SYNE2: variants seen among roughly 807,000 people sequenced by gnomAD.
SYNE2 encodes spectrin repeat containing nuclear envelope protein 2, also known as nesprin-2.
SYNE2 carries 431 observed loss-of-function variants against 856.3 expected under a neutral mutation model. The ratio of observed to expected loss-of-function variants is 0.50; its 90% CI spans 0.47 to 0.55. SYNE2 has a LOEUF of 0.55. Ranked by LOEUF, SYNE2 falls within the 20% of genes least tolerant of loss-of-function variation. SYNE2 has a pLI of 0.00. For missense variants in SYNE2, 8,129 were observed against 8,023.2 expected (o/e 1.01, Z -0.50); for synonymous variants, 2,923 against 2,872.3 (o/e 1.02, Z -0.56).
At position 63,963,036 on chromosome 14, in the gene SYNE2, A is replaced by T. The variant is rs1324153281; in HGVS notation, c.889-863A>T. 2.0e-5 allele frequency among the ~76,000 whole-genome samples: 3 copies of T among 152,198 alleles called. 1 individual carries two copies. ...ATTACTTAAAAATGTATTTTAAACC[A>T]CATGTTTGCATGCATTTTCAGACAT... On this transcript the variant is annotated intron_variant, in intron 9 of 115. Coordinates refer to ENST00000555002, the MANE Select transcript of SYNE2 (RefSeq NM_182914.3).
At chr14:64,155,700 G>A (rs2098280404) in intron 85 of SYNE2, among the ~76,000 whole-genome samples, 1 of 152,206 alleles carries the variant, frequency 6.6e-6, no homozygotes, top group African/African-American at 2.4e-5. Flanking sequence ...GCTGAGGTAG[G>A]AGGATCGCTT....
upstream of SYNE2, chr14:63,848,247 T>C (rs560676532): frequency 9.8e-5 from 15 of 152,294 alleles, no homozygotes; most frequent in African/African-American, 2.9e-4. Flanking sequence ...TCTATGTTAT[T>C]ATTTATTTAT....
intron 95 of SYNE2, among the ~76,000 whole-genome samples, chr14:64,176,664 A>G (rs2098436642): frequency 6.6e-6 from 1 of 152,302 alleles, no homozygotes; most frequent in South Asian, 2.1e-4. Flanking sequence ...AAAGACTGTC[A>G]ATGCTAACAG....
At chr14:63,955,424 G>A (rs534124734) in intron 8 of SYNE2, among the ~76,000 whole-genome samples, 1 of 152,196 alleles carries the variant, frequency 6.6e-6, no homozygotes, top group South Asian at 2.1e-4. Flanking sequence ...TAGTTTTAGA[G>A]ATCATCATCA....
chr14:64,215,697 G>GT (rs911317983), intron 107 of SYNE2: 2 of 418,778 alleles, frequency 4.8e-6, no homozygotes, highest in Non-Finnish European at 8.6e-6. Flanking sequence ...GTTTGGAACT[G>GT]TTTCCTTGCT....
chr14:64,110,593 C>A (rs2097798050), intron 65 of SYNE2, among the ~76,000 whole-genome samples: 3 of 138,554 alleles, frequency 2.2e-5, no homozygotes, highest in South Asian at 2.5e-4. Context: ...TTTACACCCC[C>A]CCCCCCCCGC....
chr14:63,784,953 T>TGGG (rs58032140), intron 1 of SYNE2, among the ~76,000 whole-genome samples: 2 of 151,692 alleles, frequency 1.3e-5, no homozygotes, highest in Non-Finnish European at 2.9e-5. Context: ...GTTATTTTTT[T>TGGG]GGGGGGGTGA....
chr14:63,990,681 T>C, intron 20 of SYNE2, 112 bp downstream of exon 20: 1 of 991,804 alleles, frequency 1.0e-6, no homozygotes, highest in Non-Finnish European at 1.6e-6. Flanking sequence ...TTTTGTAAAA[T>C]ATTACTTTTG....
chr14:64,141,323 T>C lies in SYNE2; in HGVS notation c.14977-18T>C. The C allele has an allele frequency of 6.2e-7, 1 of 1,606,056 alleles. No individual in the cohort carries two copies. The highest frequency in any genetic ancestry group is 8.5e-7 in the Non-Finnish European group (1 of 1,175,746). On this transcript the variant is annotated intron_variant, in intron 80 of 115. Coordinates refer to ENST00000555002, the MANE Select transcript of SYNE2 (RefSeq NM_182914.3). ...ATATTTAAATTTTAAGTTTCTAAAT[T>C]TTAAAACTCTCCTTTAGGAGTTTTC... is the stretch of plus-strand genomic sequence containing the variant.
Position 64,078,965 on chromosome 14 carries a change from G to A in SYNE2, c.11163+359G>A, listed in dbSNP as rs1427799066. 2.0e-5 allele frequency among the ~76,000 whole-genome samples: 3 copies of A among 152,098 alleles called. No individual in the cohort carries two copies. The East Asian group carries it at 5.8e-4, about 29-fold the overall frequency. ...CACAAGACTGCAATTCTAGCTACTC[G>A]GGAGGCTGAGGCACGAAAATCACTT... On this transcript the variant is annotated intron_variant, in intron 55 of 115. Coordinates refer to ENST00000555002, the MANE Select transcript of SYNE2 (RefSeq NM_182914.3).
intron 92 of SYNE2, 147 bp downstream of exon 92, chr14:64,167,786 C>A: frequency 1.8e-6 from 2 of 1,090,180 alleles, no homozygotes; most frequent in South Asian, 2.8e-5. Context: ...GTCAATTGGT[C>A]ATTTGTAAAA....
intron 45 of SYNE2, among the ~76,000 whole-genome samples, chr14:64,040,528 C>T (rs1403954211): frequency 2.0e-5 from 3 of 150,298 alleles, no homozygotes; most frequent in South Asian, 4.2e-4. Context: ...GAATATATGA[C>T]TGAGAAAATT....
intron 46 of SYNE2, 160 bp downstream of exon 46, chr14:64,048,315 G>A (rs2097200402): frequency 1.7e-6 from 1 of 600,452 alleles, no homozygotes; most frequent in South Asian, 2.4e-5. Context: ...TACTAAGTAA[G>A]TTGTATAAAT....
intron 1 of SYNE2, among the ~76,000 whole-genome samples, chr14:63,775,659 C>G (rs538419156): frequency 2.6e-5 from 4 of 152,238 alleles, no homozygotes; most frequent in South Asian, 4.1e-4. Context: ...CGGCTCACTG[C>G]AGCCTCAACC....
intron 57 of SYNE2, chr14:64,085,104 G>T: frequency 1.5e-6 from 1 of 682,948 alleles, no homozygotes; most frequent in Non-Finnish European, 2.7e-6. Flanking sequence ...ACAGGGTCTT[G>T]CTCTGTCACC....
In SYNE2 at chr14:64,189,009, A is replaced by C. The variant is rs930531163; in HGVS notation, c.17871+301A>C. The C allele has an allele frequency of 5.7e-6, 4 of 702,234 alleles. No homozygotes were observed. The South Asian group carries it at 5.9e-5, about 10-fold the overall frequency. The allele number at this position is 702,234 out of a possible 1,614,324, so 43.5% of individuals were successfully genotyped here. A position where few individuals can be genotyped will look rare whatever the true frequency, so the allele number is the denominator to read the frequency against. ...TCCTTACATGTCAGCTGATACCCCA[A>C]GTGAGTTAGGGTTTCTCTAGTTGTT... On this transcript the variant is annotated intron_variant, in intron 98 of 115. Coordinates refer to ENST00000555002, the MANE Select transcript of SYNE2 (RefSeq NM_182914.3).
chr14:63,834,099 A>T (rs1467165578), intron 1 of SYNE2, among the ~76,000 whole-genome samples: 4 of 152,242 alleles, frequency 2.6e-5, no homozygotes. Context: ...GAGTAGGCAC[A>T]TTCCAAAATA....
intron 79 of SYNE2, among the ~76,000 whole-genome samples, chr14:64,138,190 C>T (rs1453310895): frequency 6.6e-6 from 1 of 151,694 alleles, no homozygotes. Flanking sequence ...AATCAGTTTG[C>T]TGTGATCGTT....
intron 1 of SYNE2, among the ~76,000 whole-genome samples, chr14:63,818,040 A>AAC (rs1555341616): frequency 7.5e-6 from 1 of 132,970 alleles, no homozygotes; most frequent in Non-Finnish European, 1.6e-5. Flanking sequence ...AAAAAAAAAA[A>AAC]AAAAAACAAA....
Sources: gnomAD v4.1 joint callset for allele counts (sites outside exome capture counted in the v4.1 genomes callset) on GRCh38, gnomAD v4.1.1 for gene constraint, MANE v1.5 for transcripts, NCBI Gene and HGNC (gene_info 2026-07-23, HGNC 2026-07-21) for gene names.